The following GALNT14 variants were observed in gnomAD, a reference collection of about 807,000 sequenced individuals.
GALNT14 encodes UDP-GalNAc:polypeptide N-acetylgalactosaminyltransferase 14.
Under a neutral mutation model 77.5 loss-of-function variants are expected in GALNT14, and 60 were observed. The ratio of observed to expected loss-of-function variants is 0.77; its 90% CI spans 0.63 to 0.96. GALNT14 has a LOEUF of 0.96. Ranked by LOEUF, GALNT14 falls within the 40% of genes least tolerant of loss-of-function variation. The pLI is 0.00. For missense variants in GALNT14, 710 were observed against 731.0 expected (o/e 0.97, Z 0.33); for synonymous variants, 280 against 281.7 (o/e 0.99, Z 0.06).
Position 30,924,221 on chromosome 2 carries a change from C to CT in GALNT14, c.1277dup (p.Arg427GlufsTer72), listed in dbSNP as rs769450003. Reference sequence around the variant, plus strand: ...TTTGAGATTCCAGGCACTTCTGTCTCTGTCGGATATTGCCCTTCTGGATGG... The same window carrying CT: ...TTTGAGATTCCAGGCACTTCTGTCTCTTGTCGGATATTGCCCTTCTGGATGG... On this transcript the variant is annotated frameshift_variant, in exon 13 of 15. Transcript: ENST00000349752. LOFTEE classifies it high-confidence loss of function. 1.9e-6 allele frequency: 3 copies of CT among 1,614,216 alleles called. No individual in the cohort carries two copies. The highest frequency in any genetic ancestry group is 1.1e-5 in the South Asian group (1 of 91,082).
chr2:31,009,735 C>T (rs1293946724), intron 1 of GALNT14, among the ~76,000 whole-genome samples: 1 of 152,202 alleles, frequency 6.6e-6, no homozygotes, highest in Non-Finnish European at 1.5e-5. Context: ...CCACCAGCCA[C>T]ATAGCTGCAC....
At chr2:31,004,145 TTG>T (rs1268198446) in intron 1 of GALNT14, among the ~76,000 whole-genome samples, 1 of 152,200 alleles carries the variant, frequency 6.6e-6, no homozygotes, top group Non-Finnish European at 1.5e-5. Flanking sequence ...CCCCTTCTCT[TTG>T]TGTTCAGAGA....
At chr2:30,929,360 A>G in intron 11 of GALNT14, 35 bp downstream of exon 11, 1 of 1,546,082 alleles carries the variant, frequency 6.5e-7, no homozygotes. Flanking sequence ...GCTCTTTTGC[A>G]GTCTCTGCCC....
intron 7 of GALNT14, among the ~76,000 whole-genome samples, chr2:30,945,351 G>A (rs1666623544): frequency 6.6e-6 from 1 of 152,186 alleles, no homozygotes; most frequent in Non-Finnish European, 1.5e-5. Flanking sequence ...TCTTGAAGTG[G>A]GGGCAACAGT....
At chr2:30,942,162 T>A (rs138015753) in intron 9 of GALNT14, 39 bp downstream of exon 9, 1 of 1,457,156 alleles carries the variant, frequency 6.9e-7, no homozygotes, top group South Asian at 1.1e-5. Flanking sequence ...CCAGGGTGTA[T>A]AGAACAGCAT....
chr2:31,105,557 C>T (rs1677513350), intron 1 of GALNT14, among the ~76,000 whole-genome samples: 1 of 152,078 alleles, frequency 6.6e-6, no homozygotes, highest in Non-Finnish European at 1.5e-5. Context: ...AAAACCCCAT[C>T]TCTACTAAAA....
chr2:31,129,853 G>A (rs1678890466), intron 1 of GALNT14, among the ~76,000 whole-genome samples: 1 of 152,224 alleles, frequency 6.6e-6, no homozygotes, highest in Non-Finnish European at 1.5e-5. Context: ...AAAAGAGACA[G>A]TTAACCTCTT....
chr2:31,031,034 C>T (rs943098295), intron 1 of GALNT14, among the ~76,000 whole-genome samples: 3 of 152,196 alleles, frequency 2.0e-5, no homozygotes, highest in African/African-American at 7.2e-5. Flanking sequence ...CCTCCTCAAA[C>T]CAGCAAGCTC....
chr2:31,065,874 T>C (rs1674917510), intron 1 of GALNT14, among the ~76,000 whole-genome samples: 2 of 152,132 alleles, frequency 1.3e-5, no homozygotes, highest in African/African-American at 4.8e-5. Context: ...ATTCATGCCT[T>C]GTGACTTACC....
At chr2:31,098,781 G>A (rs2194468) in intron 1 of GALNT14, among the ~76,000 whole-genome samples, 95,125 of 151,956 alleles carry the variant, frequency 0.63, 31,824 homozygotes, top group African/African-American at 0.87. Flanking sequence ...TTGTAATCAT[G>A]TGTATGTGTT....
At chr2:31,022,784 A>T (rs12999804) in intron 1 of GALNT14, among the ~76,000 whole-genome samples, 54,898 of 152,166 alleles carry the variant, frequency 0.36, 10,031 homozygotes, top group Admixed American at 0.46. Context: ...TAAACACGAC[A>T]TATGAGTATG....
At position 30,932,221 on chromosome 2, in the gene GALNT14, G is replaced by A. The variant is rs376518376; in HGVS notation, c.932-27C>T. The A allele has an allele frequency of 2.2e-5, 32 of 1,436,786 alleles. No homozygotes were observed. The African/African-American group carries it at 4.4e-4, about 20-fold the overall frequency. 89.0% of individuals were successfully genotyped at this position (1,436,786 alleles called of 1,614,324 possible). A position where few individuals can be genotyped will look rare whatever the true frequency, so the allele number is the denominator to read the frequency against. On this transcript the variant is annotated intron_variant, in intron 9 of 14. Coordinates refer to ENST00000349752, the MANE Select transcript of GALNT14 (RefSeq NM_024572.4). ...TGCAAGACAGTCACGCCCCTCCTATGACCTCTTATCACTGCTGCTGCAGCT... is the reference window on the plus strand; with the variant it reads ...TGCAAGACAGTCACGCCCCTCCTATAACCTCTTATCACTGCTGCTGCAGCT...
intron 1 of GALNT14, among the ~76,000 whole-genome samples, chr2:31,068,522 A>G (rs1433083725): frequency 1.3e-5 from 2 of 148,306 alleles, no homozygotes; most frequent in Non-Finnish European, 3.0e-5. Flanking sequence ...AAAAAAAAAA[A>G]AAAGAAAAGA....
intron 1 of GALNT14, among the ~76,000 whole-genome samples, chr2:31,064,128 GCT>G (rs111707486): frequency 0.22 from 33,025 of 152,002 alleles, 3,798 homozygotes; most frequent in Middle Eastern, 0.28. Context: ...GTGGCTATTG[GCT>G]CTCTCTCCCA....
At chr2:31,003,892 C>T (rs1398882018) in intron 1 of GALNT14, among the ~76,000 whole-genome samples, 1 of 152,196 alleles carries the variant, frequency 6.6e-6, no homozygotes, top group African/African-American at 2.4e-5. Context: ...TCTAAGTCAG[C>T]ATGACTGGGG....
intron 1 of GALNT14, among the ~76,000 whole-genome samples, chr2:31,080,771 A>G (rs1676109375): frequency 6.6e-6 from 1 of 152,196 alleles, no homozygotes; most frequent in Admixed American, 6.5e-5. Flanking sequence ...CCCTAATGTC[A>G]TGATTCTATT....
At position 30,910,923 on chromosome 2, in the gene GALNT14, T is replaced by C. The variant is rs755587020; in HGVS notation, c.1637A>G (p.His546Arg). ...NPCESSLMSQ[H>R]WDMVSS ...TCCTCAAGAGCTCACCATGTCCCAG[T>C]GCTGGCTCATGAGTGAGGACTCACA... Residue 546 changes from histidine to arginine, a missense_variant, in exon 15 of 15, where the codon CAC (histidine) becomes CGC (arginine). Transcript: ENST00000349752. 1.2e-6 allele frequency: 2 copies of C among 1,613,966 alleles called. No homozygotes were observed. The highest frequency in any genetic ancestry group is 8.5e-7 in the Non-Finnish European group (1 of 1,179,992).
At chr2:30,975,313 C>T (rs894975847) in intron 2 of GALNT14, among the ~76,000 whole-genome samples, 2 of 152,196 alleles carry the variant, frequency 1.3e-5, no homozygotes, top group African/African-American at 4.8e-5. Flanking sequence ...AGACTGAAGC[C>T]TTCGACAGAC....
intron 1 of GALNT14, among the ~76,000 whole-genome samples, chr2:31,072,853 G>C: frequency 6.6e-6 from 1 of 152,130 alleles, no homozygotes; most frequent in East Asian, 1.9e-4. Context: ...CTTGCTGATT[G>C]TCTACTTGTG....
Sources: gnomAD v4.1 joint callset for allele counts (sites outside exome capture counted in the v4.1 genomes callset) on GRCh38, gnomAD v4.1.1 for gene constraint, MANE v1.5 for transcripts, NCBI Gene and HGNC (gene_info 2026-07-23, HGNC 2026-07-21) for gene names.